The following SERPINI1 variants were observed in gnomAD, a reference collection of about 807,000 sequenced individuals.
The protein encoded by SERPINI1 is neuroserpin.
In SERPINI1, 19 loss-of-function variants were observed where a neutral mutation model predicts 41.1. The observed-to-expected ratio is 0.46, with a 90% CI of 0.32 to 0.68. SERPINI1 has a LOEUF of 0.68. Ranked by LOEUF, SERPINI1 falls within the 30% of genes least tolerant of loss-of-function variation. The pLI is 0.03. For synonymous variants in SERPINI1, 138 were observed against 156.6 expected, an observed-to-expected ratio of 0.88 and a Z score of 0.89; for missense variants, 460 against 479.2, an observed-to-expected ratio of 0.96 and a Z score of 0.37.
chr3:167,822,238 C>CATTTAA (rs1193277377), intron 6 of SERPINI1, among the ~76,000 whole-genome samples: 2 of 152,274 alleles, frequency 1.3e-5, no homozygotes, highest in East Asian at 3.9e-4. Context: ...CTAATGACCT[C>CATTTAA]ATTTAAATTT....
rs965462108 is a variant in SERPINI1 at position 167,790,497 on chromosome 3, C to A, written c.376C>A (p.Gln126Lys). ...ATTTCATGTCAATGAGGAGTTTTTG[C>A]AAATGATGAAAAAATATTTTAATGC... ...NGFHVNEEFL[Q>K]MMKKYFNAAV... Residue 126 changes from glutamine to lysine, a missense_variant, in exon 3 of 9, where the codon CAA becomes AAA. Gln to Lys is a moderately conservative substitution (Grantham distance 53, BLOSUM62 1). Coordinates refer to ENST00000446050, the MANE Select transcript of SERPINI1 (RefSeq NM_001122752.2). The A allele has an allele frequency of 1.9e-6, 3 of 1,613,762 alleles. No homozygotes were observed. The highest frequency in any genetic ancestry group is 2.5e-6 in the Non-Finnish European group (3 of 1,179,890).
chr3:167,741,410 C>G lies in SERPINI1; in HGVS notation c.-19+5587C>G, dbSNP rs1725674290. 3.3e-5 allele frequency among the ~76,000 whole-genome samples: 5 copies of G among 152,252 alleles called. No homozygotes were observed. In the South Asian group the frequency reaches 1.0e-3, roughly 32 times the overall value. ...GTACCTATCAACTTGTAGTCCACTC[C>G]TAGCATCTTGGCTTTTCTTGAACAG... is the stretch of plus-strand genomic sequence containing the variant. On this transcript the variant is annotated intron_variant, in intron 1 of 8. Transcript: ENST00000446050.
intron 1 of SERPINI1, among the ~76,000 whole-genome samples, chr3:167,750,213 T>A (rs1376023880): frequency 9.9e-5 from 15 of 152,218 alleles, no homozygotes; most frequent in Admixed American, 9.8e-4. Context: ...TTTTTCTGGA[T>A]GTCACTACAT....
chr3:167,795,095 C>G (rs1257951700), intron 5 of SERPINI1, among the ~76,000 whole-genome samples: 1 of 152,014 alleles, frequency 6.6e-6, no homozygotes, highest in Admixed American at 6.6e-5. Context: ...TTCATCGAGA[C>G]CTAGTTTCAG....
chr3:167,746,751 C>T (rs1198304574), intron 1 of SERPINI1, among the ~76,000 whole-genome samples: 1 of 152,180 alleles, frequency 6.6e-6, no homozygotes, highest in Non-Finnish European at 1.5e-5. Flanking sequence ...AGACAGACAC[C>T]TGTAACAATA....
intron 1 of SERPINI1, among the ~76,000 whole-genome samples, chr3:167,747,607 GCA>G (rs1476986054): frequency 6.6e-6 from 1 of 152,152 alleles, no homozygotes; most frequent in Non-Finnish European, 1.5e-5. Flanking sequence ...TCTTGCCACT[GCA>G]CTCCAGCCTG....
intron 1 of SERPINI1, among the ~76,000 whole-genome samples, chr3:167,759,472 G>T (rs140998671): frequency 8.2e-5 from 12 of 147,158 alleles, no homozygotes; most frequent in Non-Finnish European, 1.5e-4. Context: ...CATATACTTC[G>T]TAGCAACATG....
chr3:167,737,245 C>T (rs777230926), intron 1 of SERPINI1, among the ~76,000 whole-genome samples: 4 of 152,108 alleles, frequency 2.6e-5, no homozygotes, highest in Non-Finnish European at 5.9e-5. Flanking sequence ...CCCTCCCACA[C>T]TCTCACATAC....
At chr3:167,741,231 T>C (rs1725668316) in intron 1 of SERPINI1, among the ~76,000 whole-genome samples, 1 of 152,204 alleles carries the variant, frequency 6.6e-6, no homozygotes, top group Admixed American at 6.5e-5. Context: ...GCTCTTAATG[T>C]GGGAAGGAAA....
intron 5 of SERPINI1, among the ~76,000 whole-genome samples, chr3:167,795,556 A>G (rs1727683677): frequency 6.6e-6 from 1 of 152,120 alleles, no homozygotes; most frequent in African/African-American, 2.4e-5. Context: ...CTTTCCCAAG[A>G]TAGTGTTGCT....
intron 1 of SERPINI1, among the ~76,000 whole-genome samples, chr3:167,763,363 GTGTGTGTGTGTGTGTA>G (rs968079652): frequency 2.0e-5 from 3 of 148,484 alleles, no homozygotes; most frequent in Non-Finnish European, 3.0e-5. Context: ...AGTTTTGTGT[GTGTGTGTGTGTGTGTA>G]TGTGTGTGTG....
At chr3:167,780,346 A>G (rs1727082204) in intron 1 of SERPINI1, among the ~76,000 whole-genome samples, 1 of 152,254 alleles carries the variant, frequency 6.6e-6, no homozygotes, top group South Asian at 2.1e-4. Flanking sequence ...ACTCCAATTT[A>G]ATTATATACC....
At chr3:167,763,299 A>G (rs1218451686) in intron 1 of SERPINI1, among the ~76,000 whole-genome samples, 3 of 151,762 alleles carry the variant, frequency 2.0e-5, no homozygotes, top group Non-Finnish European at 2.9e-5. Context: ...TTATTGCTCA[A>G]TTATTTCCTC....
At chr3:167,771,237 C>T (rs1726738457) in intron 1 of SERPINI1, among the ~76,000 whole-genome samples, 1 of 152,094 alleles carries the variant, frequency 6.6e-6, no homozygotes, top group Admixed American at 6.5e-5. Context: ...CTTGTTGTGG[C>T]ATTATTTATG....
intron 1 of SERPINI1, 76 bp from the exon 2 acceptor site, chr3:167,789,035 C>A: frequency 7.1e-7 from 1 of 1,417,740 alleles, no homozygotes; most frequent in Non-Finnish European, 9.8e-7. Context: ...AAAAGTAGAA[C>A]CTCCCAACAT....
At chr3:167,764,293 G>A (rs1726485565) in intron 1 of SERPINI1, among the ~76,000 whole-genome samples, 1 of 152,112 alleles carries the variant, frequency 6.6e-6, no homozygotes, top group South Asian at 2.1e-4. Context: ...AATTTATACA[G>A]GGAAAAGGGT....
chr3:167,793,449 C>T (rs1727593600), intron 4 of SERPINI1, among the ~76,000 whole-genome samples: 1 of 151,668 alleles, frequency 6.6e-6, no homozygotes, highest in Admixed American at 6.6e-5. Context: ...ATTAAAAGCA[C>T]AGTACAGGCC....
At chr3:167,823,128 T>A in intron 7 of SERPINI1, 56 bp downstream of exon 7, 1 of 1,179,186 alleles carries the variant, frequency 8.5e-7, no homozygotes, top group South Asian at 1.2e-5. Context: ...TAGAGCAATC[T>A]TGAGTGGGGA....
At chr3:167,790,274 T>A in intron 2 of SERPINI1, 98 bp from the exon 3 acceptor site, 2 of 865,078 alleles carry the variant, frequency 2.3e-6, no homozygotes, top group South Asian at 2.8e-5. Context: ...GGTGCCTGTT[T>A]GGTTAATCTC....
Sources: gnomAD v4.1 joint callset for allele counts (sites outside exome capture counted in the v4.1 genomes callset) on GRCh38, gnomAD v4.1.1 for gene constraint, MANE v1.5 for transcripts, NCBI Gene and HGNC (gene_info 2026-07-23, HGNC 2026-07-21) for gene names.